The following CR1 variants were observed in gnomAD, a reference collection of about 807,000 sequenced individuals.
The protein encoded by CR1 is complement receptor type 1.
CR1 carries 116 observed loss-of-function variants against 187.3 expected under a neutral mutation model. The ratio of observed to expected loss-of-function variants is 0.62; its 90% CI spans 0.53 to 0.72. The LOEUF (loss-of-function observed/expected upper bound fraction) is 0.72. Among genes scored for constraint, CR1 ranks in the 30% least tolerant of loss-of-function variants. CR1 has a pLI of 0.00. For synonymous variants in CR1, 576 were observed against 747.1 expected, an observed-to-expected ratio of 0.77 and a Z score of 3.73; for missense variants, 1,731 against 2,110.7, an observed-to-expected ratio of 0.82 and a Z score of 3.52.
chr1:207,616,518 T>C (rs1662100416), intron 40 of CR1, 57 bp from the exon 41 acceptor site: 15 of 1,569,022 alleles, frequency 9.6e-6, no homozygotes, highest in Non-Finnish European at 1.3e-5. Flanking sequence ...GTCACTATTG[T>C]TTCAGTCATC....
chr1:207,617,499 A>G (rs1165184700), intron 41 of CR1, among the ~76,000 whole-genome samples: 1 of 59,408 alleles, frequency 1.7e-5, no homozygotes, highest in Non-Finnish European at 3.4e-5. Flanking sequence ...ATATATATAT[A>G]TATATATATG....
chr1:207,523,585 A>C lies in CR1; in HGVS notation c.488-26A>C, dbSNP rs780224757. ...TCATTCATTATTTAAACTGACTGTT[A>C]TTTATCCTGCTCTTCCTTTTTCCAG... On this transcript the variant is annotated intron_variant, in intron 4 of 46. Transcript: ENST00000367049. 3.1e-6 allele frequency: 5 copies of C among 1,613,372 alleles called. No homozygotes were observed. The Admixed American group carries it at 8.3e-5, about 27-fold the overall frequency.
chr1:207,502,378 G>A (rs1659298158), intron 1 of CR1, among the ~76,000 whole-genome samples: 1 of 152,144 alleles, frequency 6.6e-6, no homozygotes, highest in African/African-American at 2.4e-5. Context: ...AGAGGGTCAG[G>A]GAAGGCTTCA....
At position 207,584,732 on chromosome 1, in the gene CR1, A is replaced by G. The variant is rs1341724706; in HGVS notation, c.5386A>G (p.Ile1796Val). Residue 1796 changes from isoleucine (I) to valine (V), a missense_variant, in exon 33 of 47, where the codon ATA becomes GTA. Coordinates refer to ENST00000367049, the MANE Select transcript of CR1 (RefSeq NM_000651.6). ...TGGAGATATTCCCTATGGAAAAGAA[A>G]TATCTTACACATGTGACCCCCACCC... is the stretch of plus-strand genomic sequence containing the variant. ...PSGDIPYGKE[I>V]SYTCDPHPDR... The G allele has an allele frequency of 6.2e-6, 10 of 1,613,870 alleles. No homozygotes were observed. Among genetic ancestry groups the G allele is most frequent in the Non-Finnish European group, 8.5e-6 (10 of 1,179,788 alleles).
At chr1:207,627,044 C>G (rs1830763) in intron 45 of CR1, among the ~76,000 whole-genome samples, 3 of 151,912 alleles carry the variant, frequency 2.0e-5, no homozygotes, top group African/African-American at 7.2e-5. Flanking sequence ...ATCTGAAAAA[C>G]ATAAATAAAT....
rs56170518 is a variant in CR1, at chr1:207,563,931, C to T, written c.3654C>T (p.Pro1218=). 14,873 of 1,479,902 alleles carry T rather than the reference C, an allele frequency of 0.01. 1,184 individuals carry two copies. The highest frequency in any genetic ancestry group is 0.012 in the South Asian group (929 of 79,810). The allele number at this position is 1,479,902 out of a possible 1,614,324, so 91.7% of individuals were successfully genotyped here. ...AAAGGGACAAGGACAACTTTTCACC[C>T]GGGCAGGAAGTGTTCTACAGCTGTG... ...RTQRDKDNFS[P]GQEVFYSCEP... Residue 1218 remains proline, a synonymous_variant, in exon 22 of 47, where the codon CCC becomes CCT. Coordinates refer to ENST00000367049, the MANE Select transcript of CR1 (RefSeq NM_000651.6).
chr1:207,596,657 T>C (rs1188136877), intron 35 of CR1, among the ~76,000 whole-genome samples: 1 of 150,044 alleles, frequency 6.7e-6, no homozygotes, highest in African/African-American at 2.5e-5. Context: ...ATAACAAAAA[T>C]GTTTAAGAGT....
chr1:207,566,005 T>G, intron 24 of CR1, 82 bp downstream of exon 24: 1 of 1,518,298 alleles, frequency 6.6e-7, no homozygotes, highest in East Asian at 2.3e-5. Context: ...CTCAATGTGA[T>G]TCTTCAATAT....
intron 3 of CR1, among the ~76,000 whole-genome samples, chr1:207,508,474 T>C (rs1406536198): frequency 6.6e-6 from 1 of 152,224 alleles, no homozygotes; most frequent in Non-Finnish European, 1.5e-5. Flanking sequence ...ACAAAGTCTA[T>C]TTTTTAAAAC....
In CR1 at chr1:207,544,862, G is replaced by A. The variant is rs915415584; in HGVS notation, c.2237-446G>A. Among the ~76,000 whole-genome samples, 110 of 78,260 alleles carry A rather than the reference G, an allele frequency of 1.4e-3. 1 individual carries two copies. The highest frequency in any genetic ancestry group is 4.9e-4 in the Non-Finnish European group (20 of 40,538). The allele number at this position is 78,260 out of a possible 152,430, so 51.3% of individuals were successfully genotyped here. Reference sequence around the variant, plus strand: ...GCTCTTTGTTGCACCAGTGTGATAGGTGATGGAGGGACCTATTAGATGGGA... The same window carrying A: ...GCTCTTTGTTGCACCAGTGTGATAGATGATGGAGGGACCTATTAGATGGGA... On this transcript the variant is annotated intron_variant, in intron 13 of 46. Coordinates refer to ENST00000367049, the MANE Select transcript of CR1 (RefSeq NM_000651.6).
chr1:207,512,813 CA>C (rs1267320013), intron 4 of CR1, among the ~76,000 whole-genome samples: 6 of 152,080 alleles, frequency 3.9e-5, no homozygotes, highest in Non-Finnish European at 7.4e-5. Flanking sequence ...ATAGAGAAAA[CA>C]AAAAATATAA....
At chr1:207,526,479 C>A (rs1461835394) in intron 5 of CR1, among the ~76,000 whole-genome samples, 2 of 150,834 alleles carry the variant, frequency 1.3e-5, no homozygotes, top group Non-Finnish European at 2.9e-5. Context: ...CTAGAAGGAA[C>A]TGTCCATTGT....
intron 4 of CR1, among the ~76,000 whole-genome samples, chr1:207,515,283 A>G (rs572497128): frequency 1.3e-5 from 2 of 148,830 alleles, no homozygotes; most frequent in African/African-American, 4.9e-5. Flanking sequence ...ATATATAGGT[A>G]TATGTATACA....
chr1:207,609,294 A>G lies in CR1; in HGVS notation c.5901A>G (p.Ile1967Met). ...CCATACTCTTCCTTCTCTCAGTCATATCTTGTGAGCCACCTCCAACCATAT... is the reference window on the plus strand; with the variant it reads ...CCATACTCTTCCTTCTCTCAGTCATGTCTTGTGAGCCACCTCCAACCATAT... Reference protein sequence around the residue: ...WDKKAPICEIISCEPPPTISN... With the variant: ...WDKKAPICEIMSCEPPPTISN... The change falls in exon 37 of 47, where the codon ATA (isoleucine) becomes ATG (methionine). Residue 1967 changes from isoleucine (I) to methionine (M), a missense_variant. Coordinates refer to ENST00000367049, the MANE Select transcript of CR1 (RefSeq NM_000651.6). 3 of 1,604,856 alleles carry G rather than the reference A, an allele frequency of 1.9e-6. No individual in the cohort carries two copies. The highest frequency in any genetic ancestry group is 1.3e-5 in the African/African-American group (1 of 74,806).
rs1659344150 is a variant in CR1 at position 207,503,738 on chromosome 1, G to A, written c.122-2166G>A. On this transcript the variant is annotated intron_variant, in intron 1 of 46. Transcript: ENST00000367049. ...TAACCATTACAGGTAACAATCACAGGCTTCAGGGATCAGAACATGGATATC... is the reference window on the plus strand; with the variant it reads ...TAACCATTACAGGTAACAATCACAGACTTCAGGGATCAGAACATGGATATC... Among the ~76,000 whole-genome samples the A allele has an allele frequency of 2.0e-5, 3 of 152,098 alleles. No homozygotes were observed. In the South Asian group the frequency reaches 6.2e-4, roughly 32 times the overall value.
chr1:207,619,151 G>A (rs2102399791), intron 42 of CR1, among the ~76,000 whole-genome samples: 1 of 151,676 alleles, frequency 6.6e-6, no homozygotes, highest in African/African-American at 2.4e-5. Context: ...GGGAGGCCAA[G>A]GTGGGCAGAT....
intron 45 of CR1, among the ~76,000 whole-genome samples, chr1:207,626,825 G>A (rs1209364430): frequency 6.6e-6 from 1 of 152,122 alleles, no homozygotes; most frequent in Non-Finnish European, 1.5e-5. Flanking sequence ...GTCACCTGAG[G>A]TCAGGAGTTG....
chr1:207,497,698 C>A (rs1659131845), intron 1 of CR1, among the ~76,000 whole-genome samples: 1 of 152,104 alleles, frequency 6.6e-6, no homozygotes, highest in African/African-American at 2.4e-5. Context: ...TTTGTGTCAT[C>A]TTTGGGAGTA....
chr1:207,617,650 G>T (rs1662186402), intron 41 of CR1, among the ~76,000 whole-genome samples: 1 of 80,910 alleles, frequency 1.2e-5, no homozygotes, highest in Non-Finnish European at 2.8e-5. Context: ...GAGAGAGAGA[G>T]AGAGAGAGAG....
Sources: allele counts gnomAD v4.1 joint callset (sites outside exome capture counted in the v4.1 genomes callset), GRCh38; gene constraint gnomAD v4.1.1; transcripts MANE v1.5; gene names NCBI Gene and HGNC (gene_info 2026-07-23, HGNC 2026-07-21).